STXBP5L: variants seen among roughly 807,000 people sequenced by gnomAD.
STXBP5L encodes syntaxin-binding protein 5-like.
Under a neutral mutation model 144.5 loss-of-function variants are expected in STXBP5L, and 65 were observed. That is an observed-to-expected ratio of 0.45 (90% CI 0.37 to 0.55). STXBP5L has a LOEUF of 0.55. Ranked by LOEUF, STXBP5L falls within the 20% of genes least tolerant of loss-of-function variation. The pLI, the probability that STXBP5L is intolerant of heterozygous loss-of-function variation, is 0.00. For missense variants in STXBP5L, 1,298 were observed against 1,405.5 expected (o/e 0.92, Z 1.22); for synonymous variants, 505 against 469.6 (o/e 1.08, Z -0.97).
At chr3:121,344,020 A>T (rs2108591029) in intron 20 of STXBP5L, among the ~76,000 whole-genome samples, 1 of 152,256 alleles carries the variant, frequency 6.6e-6, no homozygotes, top group Middle Eastern at 3.4e-3. Flanking sequence ...TACAGTAACC[A>T]AAACAGCATG....
At chr3:121,179,407 T>C (rs987673244) in intron 9 of STXBP5L, among the ~76,000 whole-genome samples, 1 of 152,102 alleles carries the variant, frequency 6.6e-6, no homozygotes, top group Non-Finnish European at 1.5e-5. Context: ...AAAAAAGTAA[T>C]TCTAAGCAAA....
chr3:120,975,664 G>A (rs1400777365), intron 3 of STXBP5L, among the ~76,000 whole-genome samples: 5 of 152,272 alleles, frequency 3.3e-5, no homozygotes, highest in South Asian at 4.1e-4. Context: ...CATTCAGTAC[G>A]ATATTGGCTG....
chr3:121,402,617 T>A (rs1389678469), intron 22 of STXBP5L, among the ~76,000 whole-genome samples: 1 of 152,214 alleles, frequency 6.6e-6, no homozygotes, highest in Admixed American at 6.5e-5. Flanking sequence ...CTACCTATCC[T>A]ATTTCTAGAC....
chr3:121,357,492 GA>G (rs2045558113), intron 20 of STXBP5L: 1 of 152,410 alleles, frequency 6.6e-6, no homozygotes, highest in African/African-American at 2.4e-5. Flanking sequence ...TATGCCATGG[GA>G]CAGCAAGATG....
intron 3 of STXBP5L, among the ~76,000 whole-genome samples, chr3:121,006,516 C>T (rs940155299): frequency 7.9e-5 from 12 of 151,912 alleles, no homozygotes; most frequent in Non-Finnish European, 1.2e-4. Flanking sequence ...TTTGCCAGTC[C>T]GTGTCTTTTA....
At chr3:120,962,375 G>T (rs1248147773) in intron 3 of STXBP5L, among the ~76,000 whole-genome samples, 1 of 152,170 alleles carries the variant, frequency 6.6e-6, no homozygotes, top group Non-Finnish European at 1.5e-5. Flanking sequence ...GAATGGTATT[G>T]CCTAGGTTTT....
chr3:120,943,512 G>A (rs1344962708), intron 2 of STXBP5L, among the ~76,000 whole-genome samples: 1 of 151,654 alleles, frequency 6.6e-6, no homozygotes, highest in East Asian at 1.9e-4. Context: ...TATATATTTA[G>A]TATCTATACT....
At chr3:121,317,055 C>G (rs2043811411) in intron 19 of STXBP5L, among the ~76,000 whole-genome samples, 1 of 152,134 alleles carries the variant, frequency 6.6e-6, no homozygotes, top group African/African-American at 2.4e-5. Flanking sequence ...ATTTGTATAT[C>G]TAGGGTTAAG....
At chr3:120,937,518 G>A (rs1710324858) in intron 2 of STXBP5L, among the ~76,000 whole-genome samples, 1 of 152,136 alleles carries the variant, frequency 6.6e-6, no homozygotes, top group Admixed American at 6.5e-5. Context: ...CTGTCCTTAG[G>A]TTTCTGCTCA....
chr3:121,173,351 A>G (rs1378616644), intron 9 of STXBP5L, among the ~76,000 whole-genome samples: 1 of 147,924 alleles, frequency 6.8e-6, no homozygotes, highest in African/African-American at 2.5e-5. Context: ...AATAATAATA[A>G]TGATAATAGA....
Position 120,909,668 on chromosome 3 carries a change from T to C in STXBP5L, c.90T>C (p.Gly30=). ...GCAGCAGTGGCAGTAACAGTGGTGG[T>C]GGGGCTGGAAGTGGTTCCGTACATC... The part of the protein sequence containing the change: ...SGSSSGSNSG[G]GAGSGSVHPA... The change falls in exon 2 of 27, where the codon GGT becomes GGC. Residue 30 remains glycine (G), a synonymous_variant. Coordinates refer to ENST00000471454, the MANE Select transcript of STXBP5L (RefSeq NM_001308330.2). 3 of 1,613,650 alleles carry C rather than the reference T, an allele frequency of 1.9e-6. No individual in the cohort carries two copies. The highest frequency in any genetic ancestry group is 2.5e-6 in the Non-Finnish European group (3 of 1,179,828).
intron 22 of STXBP5L, among the ~76,000 whole-genome samples, chr3:121,388,840 C>A (rs1164077379): frequency 1.3e-5 from 2 of 152,006 alleles, no homozygotes; most frequent in Admixed American, 1.3e-4. Context: ...ACAGATATTG[C>A]TCTAAAATTC....
intron 9 of STXBP5L, among the ~76,000 whole-genome samples, chr3:121,180,644 G>A (rs1434607957): frequency 6.6e-6 from 1 of 152,186 alleles, no homozygotes; most frequent in Non-Finnish European, 1.5e-5. Flanking sequence ...GCAGGCCGAG[G>A]CAGGTGGATC....
intron 19 of STXBP5L, among the ~76,000 whole-genome samples, chr3:121,281,752 A>G (rs2108443216): frequency 6.6e-6 from 1 of 152,132 alleles, no homozygotes; most frequent in South Asian, 2.1e-4. Context: ...AAAATCTGTG[A>G]AGTTATAAAC....
At chr3:121,013,107 C>G (rs905567979) in intron 3 of STXBP5L, among the ~76,000 whole-genome samples, 42 of 151,700 alleles carry the variant, frequency 2.8e-4, no homozygotes, top group African/African-American at 9.7e-4. Flanking sequence ...TTGATGGGCA[C>G]CTGGGTTGAT....
chr3:120,937,771 A>G (rs559745518), intron 2 of STXBP5L, among the ~76,000 whole-genome samples: 1 of 152,208 alleles, frequency 6.6e-6, no homozygotes, highest in Non-Finnish European at 1.5e-5. Flanking sequence ...CTTAGGGTCT[A>G]TGTTGGAATT....
At chr3:120,925,951 C>G (rs1419447824) in intron 2 of STXBP5L, among the ~76,000 whole-genome samples, 1 of 152,150 alleles carries the variant, frequency 6.6e-6, no homozygotes, top group Non-Finnish European at 1.5e-5. Context: ...AATCTCTATA[C>G]TTTAACTCCC....
intron 13 of STXBP5L, among the ~76,000 whole-genome samples, chr3:121,239,638 C>T (rs1028309985): frequency 7.2e-6 from 1 of 139,826 alleles, no homozygotes; most frequent in Non-Finnish European, 1.5e-5. Context: ...TATTCTCACT[C>T]ATAGGTGGGA....
chr3:121,021,743 T>A (rs1179194262), intron 3 of STXBP5L, among the ~76,000 whole-genome samples: 1 of 151,984 alleles, frequency 6.6e-6, no homozygotes, highest in Non-Finnish European at 1.5e-5. Context: ...ACCTATCAAA[T>A]CTCCTGGAAT....
Sources: gnomAD v4.1 joint callset for allele counts (sites outside exome capture counted in the v4.1 genomes callset) on GRCh38, gnomAD v4.1.1 for gene constraint, MANE v1.5 for transcripts, NCBI Gene and HGNC (gene_info 2026-07-23, HGNC 2026-07-21) for gene names.